Variants in EAF2 observed in about 807,000 individuals in gnomAD.
EAF2 encodes the protein ELL-associated factor 2.
In EAF2, 29 loss-of-function variants were observed where a neutral mutation model predicts 29.4. The ratio of observed to expected loss-of-function variants is 0.99; its 90% CI spans 0.73 to 1.35. The LOEUF (loss-of-function observed/expected upper bound fraction) is 1.35, where lower values mean the gene tolerates loss of function less well. Ranked by LOEUF, EAF2 falls within the 40% of genes most tolerant of loss-of-function variation. The probability of loss-of-function intolerance (pLI) is 0.00; values close to 1 mark genes in which losing one functional copy is unlikely to be tolerated. For synonymous variants in EAF2, 103 were observed against 102.5 expected (o/e 1.00, Z -0.03); for missense variants, 292 against 312.0 (o/e 0.94, Z 0.48).
intron 4 of EAF2, among the ~76,000 whole-genome samples, chr3:121,869,154 A>G (rs1708971259): frequency 6.6e-6 from 1 of 152,254 alleles, no homozygotes; most frequent in Non-Finnish European, 1.5e-5. Context: ...TTAAAAATAC[A>G]TGCAGCTAAA....
chr3:121,842,305 T>C (rs1463101356), intron 1 of EAF2, among the ~76,000 whole-genome samples: 1 of 152,260 alleles, frequency 6.6e-6, no homozygotes, highest in African/African-American at 2.4e-5. Context: ...AGTTACTTCA[T>C]TTATACTGTA....
chr3:121,842,866 C>T (rs1042609281), intron 1 of EAF2, among the ~76,000 whole-genome samples: 1 of 152,124 alleles, frequency 6.6e-6, no homozygotes, highest in African/African-American at 2.4e-5. Flanking sequence ...TCTCACTTTG[C>T]CACTGCTAAC....
At chr3:121,855,662 G>A (rs1708706089) in intron 3 of EAF2, among the ~76,000 whole-genome samples, 1 of 152,178 alleles carries the variant, frequency 6.6e-6, no homozygotes, top group South Asian at 2.1e-4. Context: ...TGTAAGACAA[G>A]TTTGATATCT....
intron 2 of EAF2, 149 bp downstream of exon 2, chr3:121,844,696 G>T: frequency 2.3e-6 from 1 of 437,162 alleles, no homozygotes; most frequent in Non-Finnish European, 4.0e-6. Context: ...ACTACTTTAG[G>T]CAAAAAAAAC....
At chr3:121,837,028 A>G (rs1708312243) in intron 1 of EAF2, among the ~76,000 whole-genome samples, 1 of 149,838 alleles carries the variant, frequency 6.7e-6, no homozygotes, top group South Asian at 2.1e-4. Flanking sequence ...GGATCAGATG[A>G]TCCAGCTACC....
intron 4 of EAF2, among the ~76,000 whole-genome samples, chr3:121,862,409 T>A (rs12634458): frequency 0.11 from 16,893 of 152,202 alleles, 1,010 homozygotes; most frequent in South Asian, 0.16. Context: ...TCTCACTTCA[T>A]TTCATTCATT....
Position 121,857,169 on chromosome 3 carries a change from T to C in EAF2, c.484+13T>C, listed in dbSNP as rs1353413717. 1 of 1,601,760 alleles carries C rather than the reference T, an allele frequency of 6.2e-7. No homozygotes were observed. Among genetic ancestry groups the C allele is most frequent in the East Asian group, 2.2e-5 (1 of 44,760 alleles). Reference sequence around the variant, plus strand: ...GATATCGAAAGAGGTAAAATCTAAGTATATGTAACATCCCTTTATAAGAGA... The same window carrying C: ...GATATCGAAAGAGGTAAAATCTAAGCATATGTAACATCCCTTTATAAGAGA... On this transcript the variant is annotated intron_variant, in intron 4 of 5. Coordinates refer to ENST00000273668, the MANE Select transcript of EAF2 (RefSeq NM_018456.6).
Position 121,835,256 on chromosome 3 carries a change from C to T in EAF2, c.-30C>T. Reference sequence around the variant, plus strand: ...GGTGGCAGATAGTGAGCGCTGGTGGCGGAGTTAAAGTCAAAGCAGGAGAGT... The same window carrying T: ...GGTGGCAGATAGTGAGCGCTGGTGGTGGAGTTAAAGTCAAAGCAGGAGAGT... On this transcript the variant is annotated 5_prime_UTR_variant, in exon 1 of 6. Transcript: ENST00000273668. 2 of 1,603,290 alleles carry T rather than the reference C, an allele frequency of 1.2e-6. No homozygotes were observed. Among genetic ancestry groups the T allele is most frequent in the Non-Finnish European group, 1.7e-6 (2 of 1,170,090 alleles).
intron 5 of EAF2, among the ~76,000 whole-genome samples, chr3:121,882,148 A>G (rs548045913): frequency 6.6e-6 from 1 of 152,066 alleles, no homozygotes; most frequent in South Asian, 2.1e-4. Context: ...CAGGAGTTCA[A>G]GACCAGCCTG....
chr3:121,858,676 A>G (rs1708768824), intron 4 of EAF2, among the ~76,000 whole-genome samples: 1 of 152,164 alleles, frequency 6.6e-6, no homozygotes, highest in Non-Finnish European at 1.5e-5. Flanking sequence ...TAGTTCAATC[A>G]TATCCCATTT....
intron 3 of EAF2, 45 bp downstream of exon 3, chr3:121,854,868 T>C (rs781000260): frequency 6.9e-6 from 10 of 1,455,158 alleles, no homozygotes; most frequent in Non-Finnish European, 8.2e-6. Flanking sequence ...CATAAATTTC[T>C]AAGGAAATGT....
At chr3:121,849,003 C>G (rs1708581680) in intron 2 of EAF2, among the ~76,000 whole-genome samples, 1 of 152,140 alleles carries the variant, frequency 6.6e-6, no homozygotes, top group African/African-American at 2.4e-5. Flanking sequence ...AAATTACATT[C>G]TCAGATAGAC....
At chr3:121,837,699 G>A (rs1272882334) in intron 1 of EAF2, 2 of 152,172 alleles carry the variant, frequency 1.3e-5, no homozygotes, top group African/African-American at 2.4e-5. Flanking sequence ...ATGTGTACGA[G>A]GGGTGCTAAT....
At chr3:121,858,317 C>A (rs1708760680) in intron 4 of EAF2, among the ~76,000 whole-genome samples, 1 of 152,208 alleles carries the variant, frequency 6.6e-6, no homozygotes, top group Non-Finnish European at 1.5e-5. Context: ...TTCTCCACAT[C>A]TCTCTAGCAC....
chr3:121,869,956 G>T (rs1708983984), intron 4 of EAF2, among the ~76,000 whole-genome samples: 1 of 152,134 alleles, frequency 6.6e-6, no homozygotes, highest in Admixed American at 6.5e-5. Flanking sequence ...AAATGGACTA[G>T]TTCCTCAAAA....
At chr3:121,884,468 G>A (rs1035319692) in intron 5 of EAF2, among the ~76,000 whole-genome samples, 2 of 149,564 alleles carry the variant, frequency 1.3e-5, no homozygotes, top group African/African-American at 2.5e-5. Flanking sequence ...TCACTCTGTC[G>A]CCAGGCTGGA....
intron 2 of EAF2, among the ~76,000 whole-genome samples, chr3:121,848,450 G>A (rs1441007833): frequency 6.6e-6 from 1 of 152,094 alleles, no homozygotes; most frequent in Non-Finnish European, 1.5e-5. Context: ...GTATTCTGCT[G>A]CTGTGTGTTT....
At chr3:121,854,997 C>A (rs1205239496) in intron 3 of EAF2, among the ~76,000 whole-genome samples, 174 bp downstream of exon 3, 2 of 152,070 alleles carry the variant, frequency 1.3e-5, no homozygotes, top group Non-Finnish European at 1.5e-5. Flanking sequence ...AAGCGTTTTA[C>A]CACATTACCC....
At position 121,844,326 on chromosome 3, in the gene EAF2, G is replaced by T. The variant is rs577838333; in HGVS notation, c.107-127G>T. The T allele has an allele frequency of 4.3e-5, 25 of 581,330 alleles. No individual in the cohort carries two copies. In the East Asian group the frequency reaches 8.4e-4, roughly 20 times the overall value. The allele number at this position is 581,330 out of a possible 1,614,324, so 36.0% of individuals were successfully genotyped here. ...TATTTTGTTTGTTCATTTGTAATAT[G>T]AATACTTTAAACCATTTTAATTACA... On this transcript the variant is annotated intron_variant, in intron 1 of 5. Transcript: ENST00000273668.
Sources: gnomAD v4.1 joint callset for allele counts (sites outside exome capture counted in the v4.1 genomes callset) on GRCh38, gnomAD v4.1.1 for gene constraint, MANE v1.5 for transcripts, NCBI Gene and HGNC (gene_info 2026-07-23, HGNC 2026-07-21) for gene names.